Variants in FTSJ3 observed in about 807,000 individuals in gnomAD.
FTSJ3 encodes the protein FtsJ RNA 2'-O-methyltransferase 3.
A neutral mutation model predicts 111.5 loss-of-function variants in FTSJ3; 46 were observed. The ratio of observed to expected loss-of-function variants is 0.41; its 90% CI spans 0.33 to 0.53. The LOEUF is 0.53. Ranked by LOEUF, FTSJ3 falls within the 20% of genes least tolerant of loss-of-function variation. The pLI is 0.19. For missense variants in FTSJ3, 1,075 were observed against 1,063.8 expected (o/e 1.01, Z -0.15); for synonymous variants, 408 against 383.0 (o/e 1.07, Z -0.76).
Position 63,821,522 on chromosome 17 carries a change from G to A in FTSJ3, c.1718C>T (p.Thr573Ile). ...QQQQKQQLPQ[T>I]PPSCLKTEIM... ...CTCAGTCTTCAAACAGGAAGGGGGT[G>A]TCTGTGGCAGCTGCTGCTTCTGCTG... The change falls in exon 16 of 21, where the codon ACA (threonine) becomes ATA (isoleucine). Residue 573 changes from threonine (T) to isoleucine (I), a missense_variant. Around this residue, in one of 2 missense-constraint regions of FTSJ3, gnomAD observed 867 missense variants for 796.9 expected, o/e 1.09. Coordinates refer to ENST00000427159, the MANE Select transcript of FTSJ3 (RefSeq NM_017647.4). 2 of 1,614,130 alleles carry A rather than the reference G, an allele frequency of 1.2e-6. No homozygotes were observed. Among genetic ancestry groups the A allele is most frequent in the East Asian group, 2.2e-5 (1 of 44,886 alleles).
chr17:63,821,744 T>C lies in FTSJ3; in HGVS notation c.1575A>G (p.Gln525=), dbSNP rs1240112954. 2 of 1,614,038 alleles carry C rather than the reference T, an allele frequency of 1.2e-6. No individual in the cohort carries two copies. The highest frequency in any genetic ancestry group is 1.7e-5 in the Admixed American group (1 of 60,002). Residue 525 remains glutamine, a synonymous_variant, in exon 15 of 21, where the codon CAA becomes CAG. Transcript: ENST00000427159. ...TTACCTTTGAGAACCACAGGTTGGC[T>C]TGTTCTTCCTGCAGTACTGCCTTTT... is the stretch of plus-strand genomic sequence containing the variant. ...LEEKAVLQEE[Q]ANLWFSKGSF... is the part of the protein sequence containing the mutation.
chr17:63,824,077 C>T lies in FTSJ3; in HGVS notation c.1154+7G>A, dbSNP rs771361725. 12 of 1,614,142 alleles carry T rather than the reference C, an allele frequency of 7.4e-6. No homozygotes were observed. The South Asian group carries it at 1.3e-4, about 18-fold the overall frequency. ...GGAACTCCAAGCTCTACCCCAGCTC[C>T]TTTCACCTCTTCAATTCCGCCACCT... On this transcript the variant is annotated splice_region_variant and intron_variant, in intron 12 of 20. Transcript: ENST00000427159.
Position 63,821,279 on chromosome 17 carries a change from A to G in FTSJ3, c.1886+75T>C, listed in dbSNP as rs1466838338. ...ACCCTCCCCATGTGCAGCCAAGATT[A>G]AGAACCCCCAATTTAGAGAAATGGT... On this transcript the variant is annotated intron_variant, in intron 16 of 20. Transcript: ENST00000427159. 1.9e-4 allele frequency: 283 copies of G among 1,528,738 alleles called. 2 individuals carry two copies. The East Asian group carries it at 6.4e-3, about 34-fold the overall frequency. 94.7% of individuals were successfully genotyped at this position (1,528,738 alleles called of 1,614,324 possible). A position where few individuals can be genotyped will look rare whatever the true frequency, so the allele number is the denominator to read the frequency against.
chr17:63,825,479 G>A (rs1227663238), intron 6 of FTSJ3, 43 bp from the exon 7 acceptor site: 2 of 1,611,532 alleles, frequency 1.2e-6, no homozygotes, highest in East Asian at 2.2e-5. Flanking sequence ...TGCAGCCCAG[G>A]AGGGCATGCG....
intron 16 of FTSJ3, 119 bp downstream of exon 16, chr17:63,821,235 C>T (rs924731499): frequency 1.1e-5 from 17 of 1,507,800 alleles, no homozygotes; most frequent in East Asian, 2.3e-5. Flanking sequence ...AAATCAGGAT[C>T]GTCAGTACAG....
chr17:63,820,001 G>C lies in FTSJ3; in HGVS notation c.2352-7C>G, dbSNP rs747257896. The C allele has an allele frequency of 4.3e-5, 70 of 1,613,844 alleles. No individual in the cohort carries two copies. Among genetic ancestry groups the C allele is most frequent in the Non-Finnish European group, 5.7e-5 (67 of 1,179,958 alleles). On this transcript the variant is annotated splice_polypyrimidine_tract_variant and splice_region_variant and intron_variant, in intron 20 of 20. Coordinates refer to ENST00000427159, the MANE Select transcript of FTSJ3 (RefSeq NM_017647.4). ...CCCAGCCTTCTTGTAGAGACTACAG[G>C]GGGGAAGAGAAGAGGTTAGAGGCTT...
rs922252740 is a variant in FTSJ3 at position 63,827,135 on chromosome 17, T to C, written c.-110A>G. ...TCCGCTTCCGCTTGCGTCCCCTGCG[T>C]CCCTGGCTCGAGGTTTTCCGCCATT... On this transcript the variant is annotated 5_prime_UTR_variant, in exon 1 of 21. Coordinates refer to ENST00000427159, the MANE Select transcript of FTSJ3 (RefSeq NM_017647.4). 2 of 608,210 alleles carry C rather than the reference T, an allele frequency of 3.3e-6. No homozygotes were observed. Among genetic ancestry groups the C allele is most frequent in the Admixed American group, 2.9e-5 (1 of 34,292 alleles). 37.7% of individuals were successfully genotyped at this position (608,210 alleles called of 1,614,324 possible).
rs571498058 is a variant in FTSJ3, at chr17:63,821,178, C to T, written c.1887-63G>A. The stretch of plus-strand genomic sequence containing the variant: ...CTGTACTACTCAGACCGCACTCCCA[C>T]GGAATTTGCAAAAATCCTGCCATGC... On this transcript the variant is annotated intron_variant, in intron 16 of 20. Transcript: ENST00000427159. 107 of 1,581,686 alleles carry T rather than the reference C, an allele frequency of 6.8e-5. No homozygotes were observed. In the East Asian group the frequency reaches 1.5e-3, roughly 22 times the overall value.
chr17:63,826,276 C>G lies in FTSJ3; in HGVS notation c.202G>C (p.Val68Leu), dbSNP rs1482303752. 1 of 1,614,198 alleles carries G rather than the reference C, an allele frequency of 6.2e-7. No individual in the cohort carries two copies. The highest frequency in any genetic ancestry group is 8.5e-7 in the Non-Finnish European group (1 of 1,180,010). ...WLQVAAKFMP[V>L]SSLIVGVDLV... The stretch of plus-strand genomic sequence containing the variant: ...TACTCACCCACAATAAGGCTGGATA[C>G]AGGCATAAACTTGGCAGCTACCTGC... The change falls in exon 4 of 21, where the codon GTA (valine) becomes CTA (leucine). Residue 68 changes from valine (V) to leucine (L), a missense_variant. By Grantham distance (32) the Val-to-Leu change is conservative (BLOSUM62 1). This residue lies in a region of FTSJ3 where 208 missense variants were observed against 266.9 expected (regional missense o/e 0.78). Transcript: ENST00000427159.
At position 63,827,331 on chromosome 17, in the gene FTSJ3, G is replaced by GCCGCCC. The variant is rs2040118744; in HGVS notation, c.-312_-307dup. The GCCGCCC allele has an allele frequency of 1.1e-6, 1 of 927,252 alleles. No individual in the cohort carries two copies. The highest frequency in any genetic ancestry group is 1.7e-5 in the African/African-American group (1 of 60,538). The allele number at this position is 927,252 out of a possible 1,614,324, so 57.4% of individuals were successfully genotyped here. On this transcript the variant is annotated 5_prime_UTR_variant, in exon 1 of 21. Coordinates refer to ENST00000427159, the MANE Select transcript of FTSJ3 (RefSeq NM_017647.4). ...CTTCCAAAGCCCCTGAACTCGAGTAGCCGCCCCTCCCATCATGGTTCCCTT... is the reference window on the plus strand; with the variant it reads ...CTTCCAAAGCCCCTGAACTCGAGTAGCCGCCCCCGCCCCTCCCATCATGGTTCCCTT...
chr17:63,823,833 G>T lies in FTSJ3; in HGVS notation c.1274C>A (p.Thr425Asn), dbSNP rs563112333. Residue 425 changes from threonine (T) to asparagine (N), a missense_variant, in exon 13 of 21, where the codon ACC becomes AAC. Physicochemically the swap from Thr to Asn is moderately conservative, Grantham distance 65 (BLOSUM62 0). This residue lies in a region of FTSJ3 where 867 missense variants were observed against 796.9 expected (regional missense o/e 1.09). Coordinates refer to ENST00000427159, the MANE Select transcript of FTSJ3 (RefSeq NM_017647.4). ...CCGCCTCACCTGGTGACCCCGGATG[G>T]TGCTCAAGGAGAACATGCCAGTCTC... is the stretch of plus-strand genomic sequence containing the variant. The part of the protein sequence containing the change: ...EGETGMFSLS[T>N]IRGHQLLEEV... The T allele has an allele frequency of 2.2e-5, 35 of 1,614,026 alleles. No homozygotes were observed. In the South Asian group the frequency reaches 3.7e-4, roughly 17 times the overall value.
chr17:63,823,835 G>A lies in FTSJ3; in HGVS notation c.1272C>T (p.Ser424=). Residue 424 remains serine, a synonymous_variant, in exon 13 of 21, where the codon AGC becomes AGT. Coordinates refer to ENST00000427159, the MANE Select transcript of FTSJ3 (RefSeq NM_017647.4). ...DEGETGMFSL[S]TIRGHQLLEE... ...GCCTCACCTGGTGACCCCGGATGGT[G>A]CTCAAGGAGAACATGCCAGTCTCCC... 6.2e-7 allele frequency: 1 copy of A among 1,614,084 alleles called. No individual in the cohort carries two copies. Among genetic ancestry groups the A allele is most frequent in the Non-Finnish European group, 8.5e-7 (1 of 1,180,016 alleles).
At position 63,825,528 on chromosome 17, in the gene FTSJ3, C is replaced by G; in HGVS notation, c.400+8G>C. The G allele has an allele frequency of 6.2e-7, 1 of 1,613,884 alleles. No homozygotes were observed. Among genetic ancestry groups the G allele is most frequent in the South Asian group, 1.1e-5 (1 of 91,078 alleles). On this transcript the variant is annotated splice_region_variant and intron_variant, in intron 6 of 20. Coordinates refer to ENST00000427159, the MANE Select transcript of FTSJ3 (RefSeq NM_017647.4). Reference sequence around the variant, plus strand: ...TCACCTGATCTCCAAGCACCACACTCCCTGTACCTTGTGAGTAAGCATCAT... The same window carrying G: ...TCACCTGATCTCCAAGCACCACACTGCCTGTACCTTGTGAGTAAGCATCAT...
chr17:63,824,263 G>C (rs1567753340), intron 11 of FTSJ3, 24 bp from the exon 12 acceptor site: 4 of 1,614,106 alleles, frequency 2.5e-6, no homozygotes, highest in Non-Finnish European at 3.4e-6. Flanking sequence ...CCCAAGAGTT[G>C]GGTTATTTTC....
At chr17:63,826,758 T>C (rs976659543) in intron 2 of FTSJ3, 78 bp downstream of exon 2, 55 of 1,557,118 alleles carry the variant, frequency 3.5e-5, no homozygotes, top group Non-Finnish European at 4.8e-5. Flanking sequence ...GCAGGAGAGG[T>C]ACATAATGGT....
intron 13 of FTSJ3, 135 bp from the exon 14 acceptor site, chr17:63,822,303 G>A: frequency 1.4e-6 from 1 of 721,042 alleles, no homozygotes; most frequent in Non-Finnish European, 2.2e-6. Context: ...TCACAGATGG[G>A]AAAGCTCAGA....
chr17:63,827,205 T>C lies in FTSJ3; in HGVS notation c.-180A>G. 2 of 604,780 alleles carry C rather than the reference T, an allele frequency of 3.3e-6. No homozygotes were observed. The highest frequency in any genetic ancestry group is 5.9e-6 in the Non-Finnish European group (2 of 341,794). 37.5% of individuals were successfully genotyped at this position (604,780 alleles called of 1,614,324 possible). ...GTTCTCAATACTCTGTCCTTGGGTT[T>C]TGTAAGTTGAAAGTTGAGACTAGGA... On this transcript the variant is annotated 5_prime_UTR_variant, in exon 1 of 21. Coordinates refer to ENST00000427159, the MANE Select transcript of FTSJ3 (RefSeq NM_017647.4).
At chr17:63,824,514 T>C (rs2040079866) in intron 10 of FTSJ3, 103 bp from the exon 11 acceptor site, 2 of 1,460,340 alleles carry the variant, frequency 1.4e-6, no homozygotes, top group South Asian at 1.1e-5. Context: ...GCTACATAAA[T>C]CAAAAGGCTC....
rs751123584 is a variant in FTSJ3, at chr17:63,825,177, G to A, written c.596-14C>T. 2 of 1,613,738 alleles carry A rather than the reference G, an allele frequency of 1.2e-6. No homozygotes were observed. The highest frequency in any genetic ancestry group is 1.7e-6 in the Non-Finnish European group (2 of 1,179,686). On this transcript the variant is annotated splice_polypyrimidine_tract_variant and intron_variant, in intron 7 of 20. Coordinates refer to ENST00000427159, the MANE Select transcript of FTSJ3 (RefSeq NM_017647.4). Reference sequence around the variant, plus strand: ...GGGCCAGGAATCCTAAAAATGACAGGATATATTAAAAAGTGTGCTTTGGGA... The same window carrying A: ...GGGCCAGGAATCCTAAAAATGACAGAATATATTAAAAAGTGTGCTTTGGGA...
Sources: allele counts gnomAD v4.1 joint callset, GRCh38; gene constraint gnomAD v4.1.1; regional missense constraint gnomAD v4.1.1; transcripts MANE v1.5; gene names NCBI Gene and HGNC (gene_info 2026-07-23, HGNC 2026-07-21).